Variants in PID1 observed in about 807,000 individuals in gnomAD.
The protein encoded by PID1 is phosphotyrosine interaction domain containing 1, also known as PTB-containing, cubilin and LRP1-interacting protein.
PID1 carries 10 observed loss-of-function variants against 19.1 expected under a neutral mutation model. That is an observed-to-expected ratio of 0.52 (90% CI 0.32 to 0.89). The LOEUF is 0.89. Among genes scored for constraint, PID1 ranks in the 40% least tolerant of loss-of-function variants. PID1 has a pLI of 0.03. For missense variants in PID1, 248 were observed against 285.3 expected, an observed-to-expected ratio of 0.87 and a Z score of 0.94; for synonymous variants, 130 against 116.0, an observed-to-expected ratio of 1.12 and a Z score of -0.78.
intron 2 of PID1, among the ~76,000 whole-genome samples, chr2:229,042,993 G>T (rs1225259319): frequency 6.8e-6 from 1 of 146,282 alleles, no homozygotes; most frequent in African/African-American, 2.5e-5. Flanking sequence ...AAGAGAGAGA[G>T]AGGAGAAAGG....
chr2:229,201,514 T>A (rs1200585760), intron 1 of PID1, among the ~76,000 whole-genome samples: 1 of 152,120 alleles, frequency 6.6e-6, no homozygotes, highest in African/African-American at 2.4e-5. Context: ...ATTTTGCTTA[T>A]CCTTTCACCT....
At chr2:229,075,127 C>A (rs60532896) in intron 2 of PID1, among the ~76,000 whole-genome samples, 9 of 152,196 alleles carry the variant, frequency 5.9e-5, no homozygotes, top group Non-Finnish European at 2.9e-5. Context: ...GCAAAAGAAT[C>A]TAACACAAAG....
intron 1 of PID1, among the ~76,000 whole-genome samples, chr2:229,235,173 T>G (rs1246368740): frequency 6.6e-6 from 1 of 152,100 alleles, no homozygotes; most frequent in Non-Finnish European, 1.5e-5. Context: ...TCAAAAGCCA[T>G]CAAAAGTTTG....
At chr2:229,167,550 A>T (rs1317484637) in intron 1 of PID1, among the ~76,000 whole-genome samples, 1 of 152,178 alleles carries the variant, frequency 6.6e-6, no homozygotes, top group Non-Finnish European at 1.5e-5. Context: ...CGTTACAGTT[A>T]TAAAAGGCAG....
intron 1 of PID1, among the ~76,000 whole-genome samples, chr2:229,267,839 TG>T (rs1690632578): frequency 6.6e-6 from 1 of 152,170 alleles, no homozygotes. Flanking sequence ...GGTTTTTATT[TG>T]TTCAGAAAAG....
intron 2 of PID1, among the ~76,000 whole-genome samples, chr2:229,155,410 C>CA (rs754338152): frequency 3.3e-5 from 5 of 151,726 alleles, no homozygotes; most frequent in Non-Finnish European, 7.4e-5. Context: ...CCTAAAAAGA[C>CA]AAAAAATTAG....
Position 229,212,555 on chromosome 2 carries a change from T to C in PID1, c.31-56591A>G, listed in dbSNP as rs184721764. Among the ~76,000 whole-genome samples the C allele has an allele frequency of 2.0e-3, 305 of 152,272 alleles. 6 individuals are homozygous for C. Among genetic ancestry groups the C allele is most frequent in the Non-Finnish European group, 2.8e-4 (19 of 68,030 alleles). On this transcript the variant is annotated intron_variant, in intron 1 of 2. Coordinates refer to ENST00000392055, the MANE Select transcript of PID1 (RefSeq NM_001100818.2). The stretch of plus-strand genomic sequence containing the variant: ...GTCCTCTCTGATGTCCTATTTTAGA[T>C]TGTTATTTCCATGTTAAGGTATCCC...
At chr2:229,091,686 A>G (rs1559228790) in intron 2 of PID1, among the ~76,000 whole-genome samples, 1 of 152,144 alleles carries the variant, frequency 6.6e-6, no homozygotes, top group Non-Finnish European at 1.5e-5. Context: ...TGAGAAATAC[A>G]TTTCTGTTGT....
intron 1 of PID1, among the ~76,000 whole-genome samples, chr2:229,226,170 GT>G (rs1692073414): frequency 6.6e-6 from 1 of 152,170 alleles, no homozygotes; most frequent in South Asian, 2.1e-4. Flanking sequence ...CTTAGTTCTT[GT>G]TTTAATTGGT....
At chr2:229,066,447 G>T (rs147739339) in intron 2 of PID1, among the ~76,000 whole-genome samples, 9 of 152,256 alleles carry the variant, frequency 5.9e-5, no homozygotes, top group African/African-American at 2.2e-4. Context: ...AGCTAGCCAA[G>T]AACTTAAAAT....
intron 1 of PID1, among the ~76,000 whole-genome samples, chr2:229,184,932 C>T (rs1018664941): frequency 1.9e-4 from 26 of 134,784 alleles, no homozygotes; most frequent in African/African-American, 6.5e-4. Flanking sequence ...CATATGTATC[C>T]CATATATATA....
At chr2:229,233,873 T>C (rs963768861) in intron 1 of PID1, among the ~76,000 whole-genome samples, 1 of 152,200 alleles carries the variant, frequency 6.6e-6, no homozygotes, top group African/African-American at 2.4e-5. Flanking sequence ...TACAGAATTG[T>C]TTTTAGCCAG....
chr2:229,226,951 T>C (rs1298953611), intron 1 of PID1, among the ~76,000 whole-genome samples: 1 of 152,206 alleles, frequency 6.6e-6, no homozygotes, highest in Non-Finnish European at 1.5e-5. Context: ...TTCTGTAGTG[T>C]CAAACTTTCA....
chr2:229,177,611 C>T (rs1690850989), intron 1 of PID1, among the ~76,000 whole-genome samples: 1 of 152,068 alleles, frequency 6.6e-6, no homozygotes, highest in Non-Finnish European at 1.5e-5. Flanking sequence ...CTTATTTATT[C>T]ATGGGTGAAT....
intron 2 of PID1, among the ~76,000 whole-genome samples, chr2:229,078,254 T>A (rs2191835): frequency 7.0e-4 from 107 of 152,184 alleles, no homozygotes; most frequent in African/African-American, 2.4e-3. Context: ...TGTGGTATAC[T>A]GAGGCTTTGC....
At chr2:229,108,654 C>A (rs539144655) in intron 2 of PID1, among the ~76,000 whole-genome samples, 12 of 152,248 alleles carry the variant, frequency 7.9e-5, no homozygotes, top group African/African-American at 2.9e-4. Flanking sequence ...AGTAAAGGCA[C>A]AGAGGTGTGA....
chr2:229,072,433 C>G (rs1364493876), intron 2 of PID1, among the ~76,000 whole-genome samples: 1 of 151,930 alleles, frequency 6.6e-6, no homozygotes, highest in Non-Finnish European at 1.5e-5. Flanking sequence ...CTAAAAGATA[C>G]AAAAATTAGC....
At position 229,056,681 on chromosome 2, in the gene PID1, C is replaced by T. The variant is rs890246087; in HGVS notation, c.178-30573G>A. 7.4e-5 allele frequency among the ~76,000 whole-genome samples: 5 copies of T among 67,524 alleles called. No individual in the cohort carries two copies. The East Asian group carries it at 2.1e-3, about 28-fold the overall frequency. The allele number at this position is 67,524 out of a possible 152,430, so 44.3% of individuals were successfully genotyped here. ...GATTTGGCTTTTTTTCCCTCCCTTC[C>T]CAATGCACCACCAAGCAATCTGATA... On this transcript the variant is annotated intron_variant, in intron 2 of 2. Transcript: ENST00000392055.
At chr2:229,149,484 A>G (rs1348247805) in intron 2 of PID1, among the ~76,000 whole-genome samples, 1 of 152,136 alleles carries the variant, frequency 6.6e-6, no homozygotes, top group Non-Finnish European at 1.5e-5. Context: ...CCCTGATAGT[A>G]TTTAAGGGTT....
Sources: allele counts gnomAD v4.1 joint callset (sites outside exome capture counted in the v4.1 genomes callset), GRCh38; gene constraint gnomAD v4.1.1; transcripts MANE v1.5; gene names NCBI Gene and HGNC (gene_info 2026-07-23, HGNC 2026-07-21).